SPOCK1: variants seen among roughly 807,000 people sequenced by gnomAD.
SPOCK1 encodes SPARC (osteonectin), cwcv and kazal like domains proteoglycan 1.
SPOCK1 carries 23 observed loss-of-function variants against 55.3 expected under a neutral mutation model. That is an observed-to-expected ratio of 0.42 (90% CI 0.30 to 0.59). SPOCK1 has a LOEUF of 0.59. Ranked by LOEUF, SPOCK1 falls within the 20% of genes least tolerant of loss-of-function variation. SPOCK1 has a pLI of 0.22. For synonymous variants in SPOCK1, 226 were observed against 221.0 expected, an observed-to-expected ratio of 1.02 and a Z score of -0.20; for missense variants, 499 against 552.5, an observed-to-expected ratio of 0.90 and a Z score of 0.97.
chr5:137,131,506 G>T (rs542121276), intron 4 of SPOCK1, among the ~76,000 whole-genome samples: 1 of 152,172 alleles, frequency 6.6e-6, no homozygotes, highest in East Asian at 1.9e-4. Flanking sequence ...TACTCAGGAG[G>T]CTGAGGCAGG....
At chr5:137,161,384 G>T (rs1194699832) in intron 3 of SPOCK1, among the ~76,000 whole-genome samples, 8 of 151,784 alleles carry the variant, frequency 5.3e-5, no homozygotes, top group Non-Finnish European at 7.4e-5. Flanking sequence ...CTATACTCAG[G>T]GCATCCCATG....
chr5:137,418,873 C>T (rs1011496971), intron 2 of SPOCK1, among the ~76,000 whole-genome samples: 11 of 152,088 alleles, frequency 7.2e-5, no homozygotes, highest in African/African-American at 2.7e-4. Context: ...TGAAGTCCTG[C>T]CCATGCCTAT....
At chr5:137,052,694 A>G (rs1270673410) in intron 6 of SPOCK1, among the ~76,000 whole-genome samples, 1 of 152,242 alleles carries the variant, frequency 6.6e-6, no homozygotes, top group African/African-American at 2.4e-5. Context: ...CCATGCAGCC[A>G]TTAAAAATCA....
intron 6 of SPOCK1, among the ~76,000 whole-genome samples, chr5:137,039,242 TTA>T (rs1322013005): frequency 1.3e-5 from 2 of 150,994 alleles, no homozygotes; most frequent in Non-Finnish European, 3.0e-5. Context: ...TAGAAAGACT[TTA>T]TCACTCTGCC....
intron 3 of SPOCK1, among the ~76,000 whole-genome samples, chr5:137,194,403 G>T (rs141338972): frequency 1.3e-5 from 2 of 152,302 alleles, no homozygotes; most frequent in African/African-American, 4.8e-5. Flanking sequence ...GTACAAGGGC[G>T]CAGGAGTGAG....
Position 136,978,474 on chromosome 5 carries a change from A to C in SPOCK1, c.*180T>G. Reference sequence around the variant, plus strand: ...AAAAACACAACACCCTTTCTCCCATACAAACATATGCAAAATCAGAATCCT... The same window carrying C: ...AAAAACACAACACCCTTTCTCCCATCCAAACATATGCAAAATCAGAATCCT... On this transcript the variant is annotated 3_prime_UTR_variant, in exon 11 of 11. Transcript: ENST00000394945. The C allele has an allele frequency of 1.9e-6, 1 of 524,282 alleles. No individual in the cohort carries two copies. The highest frequency in any genetic ancestry group is 3.1e-6 in the Non-Finnish European group (1 of 321,126). The allele number at this position is 524,282 out of a possible 1,614,324, so 32.5% of individuals were successfully genotyped here.
At chr5:137,140,430 G>A (rs111985159) in intron 4 of SPOCK1, 150 bp downstream of exon 4, 1 of 549,830 alleles carries the variant, frequency 1.8e-6, no homozygotes, top group Admixed American at 3.4e-5. Context: ...TCCTATCATA[G>A]TCAGAGTACA....
At chr5:137,089,568 T>C (rs1753019717) in intron 5 of SPOCK1, among the ~76,000 whole-genome samples, 1 of 152,136 alleles carries the variant, frequency 6.6e-6, no homozygotes, top group Non-Finnish European at 1.5e-5. Context: ...ATCTCCTCAG[T>C]GACCTAGTGC....
At chr5:137,111,238 T>C (rs1362837036) in intron 5 of SPOCK1, among the ~76,000 whole-genome samples, 1 of 151,904 alleles carries the variant, frequency 6.6e-6, no homozygotes, top group Non-Finnish European at 1.5e-5. Context: ...AGTGGGAGCA[T>C]GACAAGAAGG....
chr5:137,110,723 A>G (rs536725430), intron 5 of SPOCK1, among the ~76,000 whole-genome samples: 6 of 152,322 alleles, frequency 3.9e-5, no homozygotes, highest in African/African-American at 1.4e-4. Context: ...ACAGGTCTGG[A>G]GTTAGAGTTA....
intron 3 of SPOCK1, among the ~76,000 whole-genome samples, chr5:137,191,458 G>A (rs1755177205): frequency 6.6e-6 from 1 of 151,960 alleles, no homozygotes; most frequent in Non-Finnish European, 1.5e-5. Flanking sequence ...CCGTACTCTA[G>A]GGTTTAGCTA....
chr5:137,177,939 A>G (rs573086906), intron 3 of SPOCK1, among the ~76,000 whole-genome samples: 7 of 152,282 alleles, frequency 4.6e-5, no homozygotes, highest in Non-Finnish European at 1.0e-4. Flanking sequence ...TAGCTAGGAA[A>G]AGGTGAGGAC....
chr5:137,468,964 T>C (rs1753677563), intron 2 of SPOCK1, among the ~76,000 whole-genome samples: 2 of 152,296 alleles, frequency 1.3e-5, no homozygotes, highest in South Asian at 2.1e-4. Flanking sequence ...TCAGGAATGA[T>C]GGGCCTACGG....
At chr5:137,270,410 G>A (rs1756939529) in intron 2 of SPOCK1, among the ~76,000 whole-genome samples, 2 of 152,166 alleles carry the variant, frequency 1.3e-5, no homozygotes, top group African/African-American at 4.8e-5. Flanking sequence ...ACAGGTTGAG[G>A]AATGAAGGAT....
chr5:137,087,476 A>G (rs1474859424), intron 5 of SPOCK1, among the ~76,000 whole-genome samples: 1 of 152,238 alleles, frequency 6.6e-6, no homozygotes, highest in African/African-American at 2.4e-5. Flanking sequence ...TTTTATTGCT[A>G]TTATCACCAT....
chr5:137,057,523 T>G (rs996239068), intron 6 of SPOCK1, among the ~76,000 whole-genome samples: 1 of 152,338 alleles, frequency 6.6e-6, no homozygotes, highest in South Asian at 2.1e-4. Context: ...AAACAGAGAA[T>G]CATCATCATT....
intron 2 of SPOCK1, among the ~76,000 whole-genome samples, chr5:137,358,473 G>T (rs1750869223): frequency 6.9e-6 from 1 of 144,974 alleles, no homozygotes; most frequent in African/African-American, 2.5e-5. Flanking sequence ...GGGAGGGGAG[G>T]GGAGGGGAGG....
At chr5:137,295,642 CTG>C (rs1757464343) in intron 2 of SPOCK1, among the ~76,000 whole-genome samples, 1 of 151,890 alleles carries the variant, frequency 6.6e-6, no homozygotes. Flanking sequence ...ACTACAGACA[CTG>C]TTTATAATGC....
intron 2 of SPOCK1, among the ~76,000 whole-genome samples, chr5:137,333,258 G>A (rs934380436): frequency 6.6e-6 from 1 of 152,250 alleles, no homozygotes; most frequent in Non-Finnish European, 1.5e-5. Context: ...TAAGGCTCGA[G>A]AGCTAGGTCT....
Sources: allele counts gnomAD v4.1 joint callset (sites outside exome capture counted in the v4.1 genomes callset), GRCh38; gene constraint gnomAD v4.1.1; transcripts MANE v1.5; gene names NCBI Gene and HGNC (gene_info 2026-07-23, HGNC 2026-07-21).